Variants in MARK3 observed in about 807,000 individuals in gnomAD.
MARK3 encodes the protein MAP/microtubule affinity-regulating kinase 3.
A neutral mutation model predicts 90.1 loss-of-function variants in MARK3; 46 were observed. The ratio of observed to expected loss-of-function variants is 0.51; its 90% CI spans 0.40 to 0.65. MARK3 has a LOEUF of 0.65. Among genes scored for constraint, MARK3 ranks in the 30% least tolerant of loss-of-function variants. The pLI is 0.00. For synonymous variants in MARK3, 321 were observed against 332.6 expected (o/e 0.97, Z 0.38); for missense variants, 818 against 947.2 (o/e 0.86, Z 1.79).
At chr14:103,488,941 T>G (rs1216629284) in intron 14 of MARK3, among the ~76,000 whole-genome samples, 1 of 152,248 alleles carries the variant, frequency 6.6e-6, no homozygotes, top group African/African-American at 2.4e-5. Flanking sequence ...TTCCAGTTGC[T>G]AATTGATTAA....
intron 14 of MARK3, among the ~76,000 whole-genome samples, chr14:103,486,417 C>T (rs906552043): frequency 3.3e-5 from 5 of 151,816 alleles, no homozygotes; most frequent in Admixed American, 6.6e-5. Flanking sequence ...CCAGCCTGGA[C>T]GGTAGAGCCA....
intron 14 of MARK3, chr14:103,491,119 G>T (rs1177800469): frequency 8.0e-7 from 1 of 1,249,716 alleles, no homozygotes; most frequent in Admixed American, 2.4e-5. Context: ...TAAGAAAAAT[G>T]CACATTCTTT....
At chr14:103,491,259 T>C (rs1595923397) in intron 14 of MARK3, 1 of 396,110 alleles carries the variant, frequency 2.5e-6, no homozygotes, top group Non-Finnish European at 4.2e-6. Flanking sequence ...TTTGTCATGA[T>C]GTCCTCGGTT....
At position 103,455,983 on chromosome 14, in the gene MARK3, A is replaced by G. The variant is rs951517281; in HGVS notation, c.413-1159A>G. Among the ~76,000 whole-genome samples, 4 of 152,182 alleles carry G rather than the reference A, an allele frequency of 2.6e-5. No individual in the cohort carries two copies. In the East Asian group the frequency reaches 7.7e-4, roughly 29 times the overall value. ...CTTATATCTAATTTTCTAAATTAGTATTCTTTTCTATTGATTTCAGAGGTG... is the reference window on the plus strand; with the variant it reads ...CTTATATCTAATTTTCTAAATTAGTGTTCTTTTCTATTGATTTCAGAGGTG... On this transcript the variant is annotated intron_variant, in intron 5 of 17. Transcript: ENST00000429436.
chr14:103,478,695 A>G (rs2093763676), intron 13 of MARK3, among the ~76,000 whole-genome samples: 2 of 151,804 alleles, frequency 1.3e-5, no homozygotes, highest in African/African-American at 4.8e-5. Flanking sequence ...GTGCGCCACC[A>G]TGCCTGGATA....
chr14:103,467,221 C>G (rs534136768), intron 11 of MARK3, 30 bp downstream of exon 11: 6 of 980,122 alleles, frequency 6.1e-6, no homozygotes, highest in African/African-American at 1.6e-5. Flanking sequence ...GCTGAAATAC[C>G]CTGTATGTAA....
At chr14:103,427,496 T>TAAAAAAAAA (rs1566824215) in intron 2 of MARK3, among the ~76,000 whole-genome samples, 1 of 9,078 alleles carries the variant, frequency 1.1e-4, no homozygotes, top group Non-Finnish European at 3.4e-4. Flanking sequence ...GGAGACTGTT[T>TAAAAAAAAA]CAAAAAAAAA....
At chr14:103,413,701 G>A (rs928972678) in intron 2 of MARK3, among the ~76,000 whole-genome samples, 5 of 151,468 alleles carry the variant, frequency 3.3e-5, no homozygotes, top group East Asian at 3.9e-4. Context: ...TAAGCAGTCC[G>A]CCTGCCTCGG....
chr14:103,488,527 C>T (rs1427734158), intron 14 of MARK3, among the ~76,000 whole-genome samples: 1 of 152,070 alleles, frequency 6.6e-6, no homozygotes, highest in African/African-American at 2.4e-5. Flanking sequence ...ATAAATTCTC[C>T]CAAGTCAGAG....
chr14:103,418,517 T>G (rs1245800430), intron 2 of MARK3, among the ~76,000 whole-genome samples: 2 of 152,146 alleles, frequency 1.3e-5, no homozygotes, highest in Non-Finnish European at 2.9e-5. Flanking sequence ...AGTATCCAGT[T>G]TCTCTAGATA....
At chr14:103,461,079 CCT>C (rs1356985000) in intron 6 of MARK3, among the ~76,000 whole-genome samples, 1 of 152,124 alleles carries the variant, frequency 6.6e-6, no homozygotes, top group African/African-American at 2.4e-5. Context: ...ATTATACAGC[CCT>C]CTGAGATTTT....
intron 2 of MARK3, among the ~76,000 whole-genome samples, chr14:103,421,278 A>G (rs7158144): frequency 0.26 from 39,243 of 152,168 alleles, 6,274 homozygotes; most frequent in Middle Eastern, 0.44. Context: ...AAATGTTGTG[A>G]CCAGAGGCTT....
At chr14:103,414,859 A>T (rs1384351132) in intron 2 of MARK3, among the ~76,000 whole-genome samples, 2 of 152,116 alleles carry the variant, frequency 1.3e-5, no homozygotes, top group East Asian at 1.9e-4. Flanking sequence ...AAGGCCGGGC[A>T]TGGTGGCTCA....
chr14:103,428,860 T>G (rs2092493990), intron 3 of MARK3, among the ~76,000 whole-genome samples: 1 of 152,192 alleles, frequency 6.6e-6, no homozygotes, highest in South Asian at 2.1e-4. Flanking sequence ...CTTAAACTCT[T>G]GACACACCAC....
intron 1 of MARK3, among the ~76,000 whole-genome samples, chr14:103,392,504 C>A (rs868713472): frequency 3.3e-5 from 5 of 152,096 alleles, no homozygotes; most frequent in Non-Finnish European, 5.9e-5. Flanking sequence ...TTAAGAATCA[C>A]TATAGCAGGA....
At chr14:103,404,379 T>G (rs62007678) in intron 1 of MARK3, among the ~76,000 whole-genome samples, 4,244 of 152,184 alleles carry the variant, frequency 0.028, 110 homozygotes, top group Non-Finnish European at 0.041. Flanking sequence ...TGAGTGTGTG[T>G]GGGGGCCAAG....
At chr14:103,445,699 T>G (rs2092976685) in intron 3 of MARK3, among the ~76,000 whole-genome samples, 1 of 152,234 alleles carries the variant, frequency 6.6e-6, no homozygotes, top group Non-Finnish European at 1.5e-5. Flanking sequence ...CCTCCAGAAC[T>G]TAGCAACTTA....
intron 1 of MARK3, among the ~76,000 whole-genome samples, chr14:103,395,758 C>G (rs984207299): frequency 2.0e-5 from 3 of 152,132 alleles, no homozygotes; most frequent in African/African-American, 7.2e-5. Context: ...ACTGAATGCC[C>G]TTTTTCCTCA....
chr14:103,414,205 TC>T (rs984991931), intron 2 of MARK3, among the ~76,000 whole-genome samples: 2 of 128,520 alleles, frequency 1.6e-5, no homozygotes, highest in African/African-American at 3.5e-5. Flanking sequence ...TTCTTTTCTT[TC>T]TTTTTTTTTT....
Sources: allele counts gnomAD v4.1 joint callset (sites outside exome capture counted in the v4.1 genomes callset), GRCh38; gene constraint gnomAD v4.1.1; transcripts MANE v1.5; gene names NCBI Gene and HGNC (gene_info 2026-07-23, HGNC 2026-07-21).